PRELID2: variants seen among roughly 807,000 people sequenced by gnomAD.
The protein encoded by PRELID2 is PRELI domain-containing protein 2.
In PRELID2, 25 loss-of-function variants were observed where a neutral mutation model predicts 28.4. The ratio of observed to expected loss-of-function variants is 0.88; its 90% CI spans 0.64 to 1.23. The LOEUF is 1.23. Ranked by LOEUF, PRELID2 falls within the 50% of genes most tolerant of loss-of-function variation. The pLI is 0.00. For synonymous variants in PRELID2, 76 were observed against 71.6 expected, an observed-to-expected ratio of 1.06 and a Z score of -0.31; for missense variants, 201 against 214.4, an observed-to-expected ratio of 0.94 and a Z score of 0.39.
chr5:145,452,910 T>G, the PRELID2 span, among the ~76,000 whole-genome samples: 2 of 152,162 alleles, frequency 1.3e-5, no homozygotes, highest in African/African-American at 4.8e-5. Context: ...GAGAGTGAAC[T>G]CACCAGTTCC....
chr5:145,810,799 G>A (rs905061998), intron 4 of PRELID2, among the ~76,000 whole-genome samples: 21 of 152,226 alleles, frequency 1.4e-4, no homozygotes, highest in Admixed American at 1.3e-3. Context: ...CTGGGAAAGG[G>A]TTATCACTCC....
At chr5:145,274,042 A>G in the PRELID2 span, among the ~76,000 whole-genome samples, 1 of 152,196 alleles carries the variant, frequency 6.6e-6, no homozygotes, top group African/African-American at 2.4e-5. Context: ...TTGGAGCTAC[A>G]GATTTTAAAT....
chr5:145,336,608 G>T, the PRELID2 span, among the ~76,000 whole-genome samples: 1 of 152,032 alleles, frequency 6.6e-6, no homozygotes, highest in Admixed American at 6.6e-5. Context: ...ATTTCTGAGG[G>T]CTCTGTTCTG....
At chr5:145,752,099 C>A (rs1045124493), downstream of PRELID2, among the ~76,000 whole-genome samples, 3 of 152,132 alleles carry the variant, frequency 2.0e-5, no homozygotes, top group South Asian at 2.1e-4. Flanking sequence ...CAATACCCCC[C>A]AGAAGGAGGT....
At chr5:145,628,049 T>C (rs1468528555) in intron 1 of PRELID2, among the ~76,000 whole-genome samples, 1 of 152,200 alleles carries the variant, frequency 6.6e-6, no homozygotes, top group East Asian at 1.9e-4. Context: ...GTGTCTTCCT[T>C]TTGAAGAATT....
chr5:145,455,264 A>G, the PRELID2 span, among the ~76,000 whole-genome samples: 2 of 152,178 alleles, frequency 1.3e-5, no homozygotes, highest in African/African-American at 4.8e-5. Flanking sequence ...AGATGGTTGT[A>G]GATATGTGGC....
the PRELID2 span, among the ~76,000 whole-genome samples, chr5:145,404,890 A>G: frequency 6.6e-6 from 1 of 152,132 alleles, no homozygotes; most frequent in Non-Finnish European, 1.5e-5. Context: ...GTTAACCTCC[A>G]AGGTTTCTCT....
chr5:145,697,181 G>C (rs958457488), intron 1 of PRELID2, among the ~76,000 whole-genome samples: 7 of 149,794 alleles, frequency 4.7e-5, no homozygotes, highest in Admixed American at 2.0e-4. Flanking sequence ...AATAATATAA[G>C]ACATATATTT....
intron 1 of PRELID2, among the ~76,000 whole-genome samples, chr5:145,650,151 TA>T (rs936646552): frequency 1.3e-5 from 2 of 151,742 alleles, no homozygotes; most frequent in African/African-American, 2.4e-5. Flanking sequence ...AATGAAACTT[TA>T]AAGTTTTACT....
chr5:145,797,728 T>C (rs1752861561), intron 4 of PRELID2, among the ~76,000 whole-genome samples: 1 of 152,016 alleles, frequency 6.6e-6, no homozygotes, highest in African/African-American at 2.4e-5. Context: ...CTAGTGAAGG[T>C]CTTCCCTGTA....
chr5:145,393,935 A>G, the PRELID2 span, among the ~76,000 whole-genome samples: 29 of 152,290 alleles, frequency 1.9e-4, no homozygotes, highest in African/African-American at 7.0e-4. Flanking sequence ...ATTTAATAAT[A>G]TTGTCTAAAA....
the PRELID2 span, among the ~76,000 whole-genome samples, chr5:145,448,560 A>G: frequency 1.8e-4 from 27 of 152,246 alleles, no homozygotes; most frequent in African/African-American, 6.5e-4. Flanking sequence ...CAGATTTTAA[A>G]CCAACAAAGA....
At chr5:145,388,803 C>G in the PRELID2 span, among the ~76,000 whole-genome samples, 1 of 152,152 alleles carries the variant, frequency 6.6e-6, no homozygotes, top group Non-Finnish European at 1.5e-5. Context: ...GCAAGACTAT[C>G]TGGACCACCC....
the PRELID2 span, among the ~76,000 whole-genome samples, chr5:145,453,812 C>T: frequency 6.6e-6 from 1 of 152,184 alleles, no homozygotes; most frequent in East Asian, 1.9e-4. Flanking sequence ...TTTATGGCTG[C>T]ATAGTATTCC....
At chr5:145,553,039 G>A (rs1481365974) in intron 1 of PRELID2, among the ~76,000 whole-genome samples, 2 of 152,148 alleles carry the variant, frequency 1.3e-5, no homozygotes, top group Non-Finnish European at 2.9e-5. Flanking sequence ...GTGTTGCTAT[G>A]TACTGGACAA....
chr5:145,565,898 A>G (rs1752962750), intron 1 of PRELID2, among the ~76,000 whole-genome samples: 1 of 152,190 alleles, frequency 6.6e-6, no homozygotes, highest in Admixed American at 6.5e-5. Context: ...AAATAATCAG[A>G]TTATTCTGAA....
chr5:145,460,331 A>G, the PRELID2 span, among the ~76,000 whole-genome samples: 7 of 152,220 alleles, frequency 4.6e-5, no homozygotes, highest in African/African-American at 1.4e-4. Flanking sequence ...TTTAGTTGCT[A>G]TAGTAGTAAG....
At chr5:145,821,787 T>C (rs1384427751) in intron 2 of PRELID2, among the ~76,000 whole-genome samples, 1 of 152,216 alleles carries the variant, frequency 6.6e-6, no homozygotes, top group Non-Finnish European at 1.5e-5. Context: ...ACAGAAATTA[T>C]AATTAACATT....
intron 1 of PRELID2, among the ~76,000 whole-genome samples, chr5:145,742,234 AAT>A (rs1388746631): frequency 7.1e-6 from 1 of 140,466 alleles, no homozygotes; most frequent in East Asian, 2.1e-4. Flanking sequence ...ATATAAATAA[AAT>A]ATATTTTTAT....
Sources: gnomAD v4.1 joint callset for allele counts (sites outside exome capture counted in the v4.1 genomes callset) on GRCh38, gnomAD v4.1.1 for gene constraint, MANE v1.5 for transcripts, NCBI Gene and HGNC (gene_info 2026-07-23, HGNC 2026-07-21) for gene names.